Variants in PCBP3 observed in about 807,000 individuals in gnomAD.
PCBP3 encodes the protein poly(rC) binding protein 3.
Under a neutral mutation model 52.7 loss-of-function variants are expected in PCBP3, and 25 were observed. That is an observed-to-expected ratio of 0.47 (90% CI 0.35 to 0.66). The LOEUF is 0.66. Ranked by LOEUF, PCBP3 falls within the 30% of genes least tolerant of loss-of-function variation. The pLI, the probability that PCBP3 is intolerant of heterozygous loss-of-function variation, is 0.01. For missense variants in PCBP3, 391 were observed against 490.3 expected (o/e 0.80, Z 1.91); for synonymous variants, 162 against 183.0 (o/e 0.89, Z 0.93).
intron 2 of PCBP3, among the ~76,000 whole-genome samples, chr21:45,693,234 A>G (rs1203603111): frequency 1.3e-5 from 2 of 152,206 alleles, no homozygotes; most frequent in Non-Finnish European, 2.9e-5. Context: ...CAAGGCAAGG[A>G]TGTCTACTCT....
intron 5 of PCBP3, among the ~76,000 whole-genome samples, chr21:45,859,978 C>G (rs911158836): frequency 6.6e-6 from 1 of 152,222 alleles, no homozygotes; most frequent in Non-Finnish European, 1.5e-5. Context: ...GACCAGCCAG[C>G]CCAGGGATGG....
At chr21:45,902,639 C>T (rs1052466977) in intron 9 of PCBP3, among the ~76,000 whole-genome samples, 3 of 152,340 alleles carry the variant, frequency 2.0e-5, no homozygotes, top group East Asian at 3.9e-4. Context: ...AGACCAAGAG[C>T]GCCGTTACCC....
chr21:45,664,683 G>A (rs2080664407), intron 1 of PCBP3, among the ~76,000 whole-genome samples: 1 of 149,476 alleles, frequency 6.7e-6, no homozygotes, highest in African/African-American at 2.5e-5. Context: ...AGTTACATAT[G>A]TATACATGTG....
intron 16 of PCBP3, among the ~76,000 whole-genome samples, chr21:45,938,534 G>C (rs16978692): frequency 0.061 from 9,362 of 152,246 alleles, 715 homozygotes; most frequent in African/African-American, 0.17. Flanking sequence ...GTGCCAATTA[G>C]GAAACCACCC....
intron 6 of PCBP3, among the ~76,000 whole-genome samples, chr21:45,898,461 C>T (rs1424056428): frequency 2.6e-5 from 4 of 151,660 alleles, no homozygotes; most frequent in Admixed American, 2.6e-4. Flanking sequence ...ACACCATCCT[C>T]ATGGTCTCCC....
chr21:45,892,765 G>A (rs931932621), intron 5 of PCBP3, among the ~76,000 whole-genome samples: 1 of 152,178 alleles, frequency 6.6e-6, no homozygotes, highest in Admixed American at 6.5e-5. Flanking sequence ...CCCACCCCCA[G>A]GCCCCAAGCT....
At chr21:45,814,871 C>T (rs970009980) in intron 4 of PCBP3, among the ~76,000 whole-genome samples, 1 of 23,210 alleles carries the variant, frequency 4.3e-5, no homozygotes, top group South Asian at 1.7e-3. Context: ...TGAGTGGTGA[C>T]TGGTGAGTGA....
At chr21:45,818,376 C>T (rs1183066614) in intron 4 of PCBP3, among the ~76,000 whole-genome samples, 1 of 152,174 alleles carries the variant, frequency 6.6e-6, no homozygotes, top group Admixed American at 6.5e-5. Context: ...CTGTGTTGAA[C>T]ACAGGTTTTG....
chr21:45,662,642 C>T (rs1472836582), intron 1 of PCBP3, among the ~76,000 whole-genome samples: 1 of 151,858 alleles, frequency 6.6e-6, no homozygotes, highest in Non-Finnish European at 1.5e-5. Flanking sequence ...GTAGTAATTA[C>T]TCTTTATTCA....
chr21:45,748,939 G>C (rs2087160786), intron 3 of PCBP3, among the ~76,000 whole-genome samples: 1 of 152,206 alleles, frequency 6.6e-6, no homozygotes, highest in African/African-American at 2.4e-5. Context: ...GTGAGACTGG[G>C]TCTCCTGACC....
intron 2 of PCBP3, among the ~76,000 whole-genome samples, chr21:45,702,882 C>T (rs2083217817): frequency 6.6e-6 from 1 of 152,232 alleles, no homozygotes; most frequent in Admixed American, 6.5e-5. Flanking sequence ...CCTGCTGCTG[C>T]TTTAGCAACT....
intron 5 of PCBP3, among the ~76,000 whole-genome samples, chr21:45,877,855 C>T (rs2095304937): frequency 6.6e-6 from 1 of 152,248 alleles, no homozygotes; most frequent in Non-Finnish European, 1.5e-5. Flanking sequence ...GTACACCCCC[C>T]TGCCCCTCCC....
chr21:45,815,495 A>G (rs1292922787), intron 4 of PCBP3, among the ~76,000 whole-genome samples: 4 of 76,772 alleles, frequency 5.2e-5, no homozygotes, highest in South Asian at 6.7e-4. Context: ...GTGGTGAGTG[A>G]TGAGTGAGTG....
At chr21:45,902,182 T>C (rs1006405577) in intron 9 of PCBP3, among the ~76,000 whole-genome samples, 3 of 152,146 alleles carry the variant, frequency 2.0e-5, no homozygotes, top group South Asian at 2.1e-4. Flanking sequence ...GAACTGGGGA[T>C]GCACATGAGG....
chr21:45,925,323 C>T (rs561008184), intron 13 of PCBP3, among the ~76,000 whole-genome samples: 14 of 152,206 alleles, frequency 9.2e-5, no homozygotes, highest in Admixed American at 2.0e-4. Context: ...CAAAGAAGTC[C>T]GATATGTAAC....
intron 4 of PCBP3, chr21:45,759,727 G>A (rs546611336): frequency 6.6e-6 from 1 of 152,194 alleles, no homozygotes. Flanking sequence ...GTAACATTTG[G>A]AATAATGGTT....
At chr21:45,895,672 C>T (rs1213325059) in intron 5 of PCBP3, among the ~76,000 whole-genome samples, 1 of 152,238 alleles carries the variant, frequency 6.6e-6, no homozygotes, top group East Asian at 1.9e-4. Context: ...GCCAAGGACA[C>T]CAGCCGTTTG....
intron 5 of PCBP3, chr21:45,870,874 A>G (rs1443251467): frequency 1.3e-5 from 2 of 153,160 alleles, no homozygotes; most frequent in Admixed American, 6.5e-5. Flanking sequence ...TTCTTAGGAC[A>G]GGGAAGTCAG....
intron 13 of PCBP3, among the ~76,000 whole-genome samples, chr21:45,923,886 C>T (rs76558482): frequency 0.11 from 3,369 of 30,078 alleles, 134 homozygotes; most frequent in African/African-American, 0.23. Flanking sequence ...CGGGTGTGCA[C>T]GAGGAGATGC....
Sources: allele counts gnomAD v4.1 joint callset (sites outside exome capture counted in the v4.1 genomes callset), GRCh38; gene constraint gnomAD v4.1.1; transcripts MANE v1.5; gene names NCBI Gene and HGNC (gene_info 2026-07-23, HGNC 2026-07-21).